LHFPL3: variants seen among roughly 807,000 people sequenced by gnomAD.
LHFPL3 encodes the protein LHFPL tetraspan subfamily member 3.
In LHFPL3, 5 loss-of-function variants were observed where a neutral mutation model predicts 19.3. The ratio of observed to expected loss-of-function variants is 0.26; its 90% CI spans 0.14 to 0.54. The LOEUF (loss-of-function observed/expected upper bound fraction) is 0.54. Among genes scored for constraint, LHFPL3 ranks in the 20% least tolerant of loss-of-function variants. LHFPL3 has a pLI of 0.94. For missense variants in LHFPL3, 249 were observed against 307.4 expected (o/e 0.81, Z 1.42); for synonymous variants, 133 against 126.2 (o/e 1.05, Z -0.36).
In LHFPL3 at chr7:104,383,669, G is replaced by C. The variant is rs575466962; in HGVS notation, c.445+54445G>C. On this transcript the variant is annotated intron_variant, in intron 1 of 2. Coordinates refer to ENST00000424859, the MANE Select transcript of LHFPL3 (RefSeq NM_199000.3). ...GCTCTCAGTAAGGACCTTGTTGTAA[G>C]TTTGCTACTCTTTTTTTTAACAGTA... Among the ~76,000 whole-genome samples the C allele has an allele frequency of 2.0e-5, 3 of 152,288 alleles. No homozygotes were observed. The South Asian group carries it at 6.2e-4, about 32-fold the overall frequency.
intron 1 of LHFPL3, among the ~76,000 whole-genome samples, chr7:104,615,088 G>A (rs528243431): frequency 6.6e-6 from 1 of 152,074 alleles, no homozygotes; most frequent in East Asian, 1.9e-4. Flanking sequence ...TTTTCCCCTT[G>A]ATAAGTCAAG....
At chr7:104,837,707 T>C (rs1791124094) in intron 2 of LHFPL3, among the ~76,000 whole-genome samples, 2 of 152,130 alleles carry the variant, frequency 1.3e-5, no homozygotes, top group South Asian at 4.1e-4. Context: ...TTGTGAGATT[T>C]TGGTGCACCC....
chr7:104,743,819 T>C lies in LHFPL3; in HGVS notation c.682+6908T>C, dbSNP rs77022208. Among the ~76,000 whole-genome samples, 689 of 152,258 alleles carry C rather than the reference T, an allele frequency of 4.5e-3. 26 individuals carry two copies. In the East Asian group the frequency reaches 0.099, roughly 22 times the overall value. ...ATTTCAAGTTCTTTGTTTTACACAG[T>C]ATCATGTAATCAATTCTTTTTTCCT... On this transcript the variant is annotated intron_variant, in intron 2 of 2. Transcript: ENST00000424859.
intron 1 of LHFPL3, among the ~76,000 whole-genome samples, chr7:104,436,339 C>A (rs769558107): frequency 6.6e-6 from 1 of 152,110 alleles, no homozygotes; most frequent in Non-Finnish European, 1.5e-5. Context: ...CCCTATGAGG[C>A]ATGTATCTTT....
intron 1 of LHFPL3, among the ~76,000 whole-genome samples, chr7:104,346,734 T>C (rs1021100101): frequency 3.9e-5 from 6 of 152,044 alleles, no homozygotes; most frequent in Non-Finnish European, 5.9e-5. Flanking sequence ...AATTGGATTC[T>C]CACTCCTCCT....
intron 1 of LHFPL3, among the ~76,000 whole-genome samples, chr7:104,634,815 C>G (rs905695822): frequency 1.3e-5 from 2 of 152,102 alleles, no homozygotes; most frequent in Non-Finnish European, 2.9e-5. Context: ...TGCCTGTACC[C>G]AGAGAACTTC....
chr7:104,546,372 C>T (rs1192387505), intron 1 of LHFPL3, among the ~76,000 whole-genome samples: 2 of 152,094 alleles, frequency 1.3e-5, no homozygotes, highest in Admixed American at 6.6e-5. Context: ...CTTTAAAATT[C>T]CCTTGATACA....
chr7:104,885,184 C>T (rs1792125558), intron 2 of LHFPL3, among the ~76,000 whole-genome samples: 1 of 152,266 alleles, frequency 6.6e-6, no homozygotes, highest in Admixed American at 6.5e-5. Context: ...ATGAAGCTGC[C>T]CAGTTCATGG....
chr7:104,857,586 G>A (rs1791533087), intron 2 of LHFPL3, among the ~76,000 whole-genome samples: 3 of 152,118 alleles, frequency 2.0e-5, no homozygotes, highest in Non-Finnish European at 4.4e-5. Context: ...AATGCTCCCA[G>A]GAAAATTAAT....
At chr7:104,854,487 A>G (rs903611128) in intron 2 of LHFPL3, among the ~76,000 whole-genome samples, 1 of 152,220 alleles carries the variant, frequency 6.6e-6, no homozygotes, top group Non-Finnish European at 1.5e-5. Flanking sequence ...TATACTGAAG[A>G]AATGTATTTC....
intron 1 of LHFPL3, among the ~76,000 whole-genome samples, chr7:104,687,935 GCA>G (rs1792836562): frequency 6.6e-6 from 1 of 152,302 alleles, no homozygotes; most frequent in African/African-American, 2.4e-5. Flanking sequence ...TGGGTCTCTT[GCA>G]CACTTGAATT....
At chr7:104,831,333 A>G (rs1584562113) in intron 2 of LHFPL3, among the ~76,000 whole-genome samples, 1 of 152,018 alleles carries the variant, frequency 6.6e-6, no homozygotes, top group African/African-American at 2.4e-5. Flanking sequence ...GGAAAATTCA[A>G]TTCGGTCATA....
At chr7:104,657,555 G>A (rs1380388655) in intron 1 of LHFPL3, among the ~76,000 whole-genome samples, 1 of 152,206 alleles carries the variant, frequency 6.6e-6, no homozygotes, top group Non-Finnish European at 1.5e-5. Context: ...GCCCTGCAAG[G>A]TAGACAATGT....
At chr7:104,626,661 AG>A (rs1791551121) in intron 1 of LHFPL3, among the ~76,000 whole-genome samples, 2 of 152,282 alleles carry the variant, frequency 1.3e-5, no homozygotes, top group South Asian at 4.1e-4. Context: ...ACCAAATTAT[AG>A]GGTGTGGGTT....
chr7:104,332,763 A>G (rs183526899), intron 1 of LHFPL3, among the ~76,000 whole-genome samples: 308 of 152,286 alleles, frequency 2.0e-3, no homozygotes, highest in Middle Eastern at 3.4e-3. Context: ...TATCAAACAC[A>G]GTAGCATGAA....
At chr7:104,639,122 T>C (rs988442592) in intron 1 of LHFPL3, among the ~76,000 whole-genome samples, 8 of 152,130 alleles carry the variant, frequency 5.3e-5, no homozygotes, top group African/African-American at 1.9e-4. Context: ...AATTTTTACA[T>C]CAATATTTCA....
At chr7:104,854,756 A>G (rs1186481526) in intron 2 of LHFPL3, among the ~76,000 whole-genome samples, 1 of 152,228 alleles carries the variant, frequency 6.6e-6, no homozygotes, top group East Asian at 1.9e-4. Context: ...AATTAAGAAA[A>G]TATCACTTCT....
chr7:104,826,928 T>A (rs1053462099), intron 2 of LHFPL3: 7 of 151,908 alleles, frequency 4.6e-5, no homozygotes, highest in Non-Finnish European at 1.0e-4. Flanking sequence ...GCTGGAGACA[T>A]AATTGTTTTT....
chr7:104,705,364 G>C (rs1793172310), intron 1 of LHFPL3, among the ~76,000 whole-genome samples: 1 of 151,906 alleles, frequency 6.6e-6, no homozygotes, highest in South Asian at 2.1e-4. Flanking sequence ...GTTCTACCAG[G>C]TCTTCCAAAC....
Sources: allele counts gnomAD v4.1 joint callset (sites outside exome capture counted in the v4.1 genomes callset), GRCh38; gene constraint gnomAD v4.1.1; transcripts MANE v1.5; gene names NCBI Gene and HGNC (gene_info 2026-07-23, HGNC 2026-07-21).